The following AFF4 variants were observed in gnomAD, a reference collection of about 807,000 sequenced individuals.
The protein encoded by AFF4 is ALF transcription elongation factor 4.
A neutral mutation model predicts 124.8 loss-of-function variants in AFF4; 13 were observed. The ratio of observed to expected loss-of-function variants is 0.10; its 90% CI spans 0.07 to 0.17. The LOEUF (loss-of-function observed/expected upper bound fraction) is 0.17. AFF4 is among the 10% of genes least tolerant of loss of function. The pLI, the probability that AFF4 is intolerant of heterozygous loss-of-function variation, is 1.00. For synonymous variants in AFF4, 477 were observed against 496.1 expected (o/e 0.96, Z 0.51); for missense variants, 1,092 against 1,403.8 (o/e 0.78, Z 3.55).
intron 13 of AFF4, chr5:132,891,764 CT>C (rs1359732196): frequency 8.1e-6 from 2 of 245,500 alleles, no homozygotes; most frequent in East Asian, 1.5e-4. Flanking sequence ...ATTTTAAAAG[CT>C]TCCATAACCA....
At chr5:132,923,215 G>A (rs1437264061) in intron 5 of AFF4, among the ~76,000 whole-genome samples, 1 of 152,040 alleles carries the variant, frequency 6.6e-6, no homozygotes, top group Non-Finnish European at 1.5e-5. Flanking sequence ...GCCAGGCATG[G>A]TGGTGCATGC....
intron 4 of AFF4, among the ~76,000 whole-genome samples, chr5:132,931,192 T>TG (rs1761292969): frequency 6.7e-6 from 1 of 149,976 alleles, no homozygotes; most frequent in Non-Finnish European, 1.5e-5. Context: ...GGCAGGAGGA[T>TG]GGGGGAGTGG....
intron 13 of AFF4, among the ~76,000 whole-genome samples, chr5:132,889,961 A>AT (rs752031027): frequency 1.3e-5 from 2 of 152,054 alleles, no homozygotes; most frequent in Admixed American, 6.5e-5. Context: ...TCCTATCAAT[A>AT]TAGCCCTTTA....
At chr5:132,887,341 G>C (rs1760142614) in intron 17 of AFF4, among the ~76,000 whole-genome samples, 180 bp downstream of exon 17, 1 of 152,204 alleles carries the variant, frequency 6.6e-6, no homozygotes, top group South Asian at 2.1e-4. Flanking sequence ...ATCAGAGACT[G>C]ACAACAACTC....
At chr5:132,934,060 A>G (rs943814426) in intron 3 of AFF4, 87 bp downstream of exon 3, 3 of 1,387,234 alleles carry the variant, frequency 2.2e-6, no homozygotes, top group Admixed American at 4.8e-5. Context: ...AAGGCAAGGA[A>G]GCAGTGTTCA....
intron 1 of AFF4, among the ~76,000 whole-genome samples, chr5:132,957,966 T>C (rs1761999191): frequency 1.3e-5 from 2 of 152,086 alleles, no homozygotes. Context: ...CTAAACCCAA[T>C]GTAATATTTA....
intron 5 of AFF4, among the ~76,000 whole-genome samples, chr5:132,918,054 C>T (rs1461275931): frequency 6.7e-6 from 1 of 148,526 alleles, no homozygotes; most frequent in Non-Finnish European, 1.5e-5. Flanking sequence ...AAGGAAAAAT[C>T]AAATACTGAA....
intron 20 of AFF4, among the ~76,000 whole-genome samples, chr5:132,882,383 G>A (rs193239978): frequency 2.0e-5 from 3 of 152,194 alleles, no homozygotes; most frequent in Admixed American, 6.5e-5. Flanking sequence ...TCTCTGTAAA[G>A]GATCTGCCTA....
intron 5 of AFF4, among the ~76,000 whole-genome samples, chr5:132,920,920 G>A (rs1031562504): frequency 6.6e-6 from 1 of 152,044 alleles, no homozygotes; most frequent in Non-Finnish European, 1.5e-5. Flanking sequence ...AAGGTCAGGA[G>A]ATCGAGACCA....
intron 5 of AFF4, among the ~76,000 whole-genome samples, chr5:132,906,764 A>G (rs182403369): frequency 8.0e-4 from 122 of 152,262 alleles, no homozygotes; most frequent in African/African-American, 2.4e-3. Context: ...AACTGTATAT[A>G]GAGCAGTGGG....
At chr5:132,929,731 C>T (rs545428816) in intron 4 of AFF4, among the ~76,000 whole-genome samples, 3 of 152,186 alleles carry the variant, frequency 2.0e-5, no homozygotes, top group South Asian at 2.1e-4. Flanking sequence ...GATTGGCCTG[C>T]GGATATTAAA....
At chr5:132,905,325 G>A (rs1760648438) in intron 5 of AFF4, among the ~76,000 whole-genome samples, 1 of 152,106 alleles carries the variant, frequency 6.6e-6, no homozygotes, top group African/African-American at 2.4e-5. Context: ...TTCCATATGT[G>A]CAAACTATGC....
Position 132,934,157 on chromosome 5 carries a change from T to C in AFF4, c.908A>G (p.Gln303Arg). 1 of 1,612,320 alleles carries C rather than the reference T, an allele frequency of 6.2e-7. No individual in the cohort carries two copies. Among genetic ancestry groups the C allele is most frequent in the Admixed American group, 1.7e-5 (1 of 59,934 alleles). The change falls in exon 3 of 21, where the codon CAA (glutamine) becomes CGA (arginine). Residue 303 changes from glutamine to arginine, a missense_variant. Gln to Arg is a conservative substitution (Grantham distance 43, BLOSUM62 1). Transcript: ENST00000265343. Reference protein sequence around the residue: ...AHLTKLKIPSQPLDASASGDV... With the variant: ...AHLTKLKIPSRPLDASASGDV... ...AAATGTGTGACTTACATCCAGTGGT[T>C]GGGAAGGTATTTTCAGCTTGGTGAG... is the stretch of plus-strand genomic sequence containing the variant.
chr5:132,923,121 G>T (rs1226663750), intron 5 of AFF4, among the ~76,000 whole-genome samples: 2 of 150,216 alleles, frequency 1.3e-5, no homozygotes, highest in Non-Finnish European at 3.0e-5. Flanking sequence ...GGCTGCAGTG[G>T]GCCAAGATTG....
chr5:132,902,890 A>G (rs569568668), intron 6 of AFF4, among the ~76,000 whole-genome samples: 5 of 152,358 alleles, frequency 3.3e-5, no homozygotes, highest in African/African-American at 1.2e-4. Context: ...CTGGAAAAAA[A>G]TGTCCATCGA....
intron 4 of AFF4, 79 bp downstream of exon 4, chr5:132,932,099 T>C (rs941716314): frequency 7.2e-5 from 70 of 972,522 alleles, no homozygotes; most frequent in African/African-American, 5.0e-5. Context: ...CTTTGTGAAA[T>C]ACAGGTAGAA....
At chr5:132,963,167 C>T (rs539116065) in intron 1 of AFF4, 92 bp downstream of exon 1, 3 of 376,356 alleles carry the variant, frequency 8.0e-6, no homozygotes, top group East Asian at 3.8e-5. Context: ...CGAGGCTCCC[C>T]GCAGAACTTG....
rs1474899099 is a variant in AFF4, at chr5:132,934,412, G to C, written c.653C>G (p.Ala218Gly). The change falls in exon 3 of 21, where the codon GCA (alanine) becomes GGA (glycine). Residue 218 changes from alanine (A) to glycine (G), a missense_variant. Transcript: ENST00000265343. ...QRSKSPRDPDANWDSPSRVPF... is the reference protein window; with the variant it reads ...QRSKSPRDPDGNWDSPSRVPF... ...TACACGGGAAGGAGAATCCCAGTTT[G>C]CATCAGGGTCCCGAGGTGATTTGGA... 2 of 1,614,066 alleles carry C rather than the reference G, an allele frequency of 1.2e-6. No individual in the cohort carries two copies. Among genetic ancestry groups the C allele is most frequent in the Non-Finnish European group, 1.7e-6 (2 of 1,180,048 alleles).
intron 11 of AFF4, 35 bp downstream of exon 11, chr5:132,896,288 T>C: frequency 6.5e-7 from 1 of 1,537,366 alleles, no homozygotes; most frequent in African/African-American, 1.4e-5. Context: ...CAGATTCTGA[T>C]GTTTCAAAAC....
Sources: gnomAD v4.1 joint callset for allele counts (sites outside exome capture counted in the v4.1 genomes callset) on GRCh38, gnomAD v4.1.1 for gene constraint, MANE v1.5 for transcripts, NCBI Gene and HGNC (gene_info 2026-07-23, HGNC 2026-07-21) for gene names.